Variants in LRP1B observed in about 807,000 individuals in gnomAD.
The protein encoded by LRP1B is LDL receptor related protein 1B.
In LRP1B, 217 loss-of-function variants were observed where a neutral mutation model predicts 556.6. The observed-to-expected ratio is 0.39, with a 90% CI of 0.35 to 0.44. The LOEUF (loss-of-function observed/expected upper bound fraction) is 0.44, where lower values mean the gene tolerates loss of function less well. LRP1B is among the 20% of genes least tolerant of loss of function. LRP1B has a pLI of 1.00. For synonymous variants in LRP1B, 2,047 were observed against 1,865.8 expected (o/e 1.10, Z -2.50); for missense variants, 5,053 against 5,620.8 (o/e 0.90, Z 3.23).
chr2:140,630,490 C>T (rs1176684780), intron 41 of LRP1B, among the ~76,000 whole-genome samples: 2 of 152,124 alleles, frequency 1.3e-5, no homozygotes, highest in Non-Finnish European at 2.9e-5. Context: ...GGAGAACAAA[C>T]CATCATAGCT....
chr2:140,310,474 A>G (rs1031315260), intron 83 of LRP1B, among the ~76,000 whole-genome samples: 1 of 151,358 alleles, frequency 6.6e-6, no homozygotes, highest in Non-Finnish European at 1.5e-5. Context: ...AACAGGAGGC[A>G]TTACATTACC....
intron 12 of LRP1B, among the ~76,000 whole-genome samples, chr2:141,017,703 A>G (rs1852167): frequency 0.98 from 149,502 of 151,864 alleles, 73,632 homozygotes; most frequent in Middle Eastern, 1. Flanking sequence ...ATGCTTAAAT[A>G]TATATTGTGG....
At chr2:141,112,078 T>A (rs1276003322) in intron 7 of LRP1B, among the ~76,000 whole-genome samples, 1 of 149,450 alleles carries the variant, frequency 6.7e-6, no homozygotes, top group Non-Finnish European at 1.5e-5. Context: ...AAATAATAAA[T>A]AAATAAATAA....
At chr2:140,493,067 T>C (rs1688770244) in intron 56 of LRP1B, among the ~76,000 whole-genome samples, 2 of 152,184 alleles carry the variant, frequency 1.3e-5, no homozygotes, top group Admixed American at 1.3e-4. Flanking sequence ...AACATTCTTA[T>C]GATCAGAAAT....
At chr2:140,234,738 G>A (rs778558653) in intron 90 of LRP1B, 48 bp downstream of exon 90, 7 of 754,548 alleles carry the variant, frequency 9.3e-6, no homozygotes, top group Non-Finnish European at 1.5e-5. Flanking sequence ...TTGATTGTGA[G>A]GGTTCTGTGA....
At chr2:140,922,686 TAA>T (rs1369162168) in intron 21 of LRP1B, among the ~76,000 whole-genome samples, 49 of 152,038 alleles carry the variant, frequency 3.2e-4, no homozygotes, top group African/African-American at 1.2e-3. Flanking sequence ...ATTAATTAAT[TAA>T]TTAAATTAAA....
At chr2:141,940,355 A>C (rs748340095) in intron 1 of LRP1B, among the ~76,000 whole-genome samples, 2 of 152,188 alleles carry the variant, frequency 1.3e-5, no homozygotes, top group Non-Finnish European at 2.9e-5. Flanking sequence ...ATGACGTACT[A>C]ACTAATGAAT....
chr2:140,987,916 G>A (rs1463723858), intron 17 of LRP1B, among the ~76,000 whole-genome samples: 3 of 152,008 alleles, frequency 2.0e-5, no homozygotes, highest in South Asian at 2.1e-4. Context: ...CCTGGGAGGC[G>A]AAAGTTGCAG....
rs968042014 is a variant in LRP1B, at chr2:140,526,323, C to T, written c.7790G>A (p.Arg2597His). 6.8e-6 allele frequency: 11 copies of T among 1,611,438 alleles called. No homozygotes were observed. The East Asian group carries it at 8.9e-5, about 13-fold the overall frequency. ...KVSTCATVEF[R>H]CADGTCIPRS... ...TGGAATACAAGTCCCATCTGCACAG[C>T]GGAACTCAACCGTGGCACAGGTTGA... The change falls in exon 48 of 91, where the codon CGC (arginine) becomes CAC (histidine). Residue 2597 changes from arginine (R) to histidine (H), a missense_variant. Arg to His is a conservative substitution (Grantham distance 29, BLOSUM62 0). Coordinates refer to ENST00000389484, the MANE Select transcript of LRP1B (RefSeq NM_018557.3).
chr2:142,042,060 C>T (rs1183601697), intron 1 of LRP1B, among the ~76,000 whole-genome samples: 4 of 151,276 alleles, frequency 2.6e-5, no homozygotes, highest in African/African-American at 4.8e-5. Context: ...TGTATTTATG[C>T]GTTTTTTTCT....
chr2:141,396,327 CATT>C (rs1690236361), intron 3 of LRP1B, among the ~76,000 whole-genome samples: 1 of 151,954 alleles, frequency 6.6e-6, no homozygotes, highest in South Asian at 2.1e-4. Flanking sequence ...TTTTAATTCT[CATT>C]ATCAAAAAAA....
At chr2:142,052,301 T>G (rs1392059099) in intron 1 of LRP1B, among the ~76,000 whole-genome samples, 1 of 152,066 alleles carries the variant, frequency 6.6e-6, no homozygotes, top group Non-Finnish European at 1.5e-5. Flanking sequence ...TATGGCACAT[T>G]TGAAAGAGCC....
At chr2:140,555,529 C>A (rs1387714799) in intron 43 of LRP1B, among the ~76,000 whole-genome samples, 2 of 152,010 alleles carry the variant, frequency 1.3e-5, no homozygotes, top group African/African-American at 2.4e-5. Context: ...CTTGGCATGG[C>A]AACACAGTAA....
chr2:140,940,324 TAA>T (rs963168519), intron 20 of LRP1B, among the ~76,000 whole-genome samples: 15 of 152,150 alleles, frequency 9.9e-5, no homozygotes, highest in African/African-American at 3.6e-4. Context: ...GAGATTTCCC[TAA>T]AAAAGTGTAG....
intron 1 of LRP1B, among the ~76,000 whole-genome samples, chr2:141,963,554 T>C (rs979149433): frequency 2.0e-5 from 3 of 151,752 alleles, no homozygotes; most frequent in Non-Finnish European, 2.9e-5. Context: ...CCCTTCATGC[T>C]AAAAACTCTC....
intron 41 of LRP1B, among the ~76,000 whole-genome samples, chr2:140,606,821 C>T (rs1399946486): frequency 2.0e-5 from 3 of 151,714 alleles, no homozygotes; most frequent in East Asian, 1.9e-4. Context: ...ATACCTTAAA[C>T]CTAAACATAG....
At chr2:140,278,946 G>A (rs1485895715) in intron 84 of LRP1B, among the ~76,000 whole-genome samples, 3 of 151,856 alleles carry the variant, frequency 2.0e-5, no homozygotes. Flanking sequence ...CCAGTTATTT[G>A]GCTTAATATT....
In LRP1B at chr2:141,325,495, A is replaced by G. The variant is rs549115394; in HGVS notation, c.344-70854T>C. Among the ~76,000 whole-genome samples, 151 of 152,154 alleles carry G rather than the reference A, an allele frequency of 9.9e-4. 1 individual carries two copies. Among genetic ancestry groups the G allele is most frequent in the Non-Finnish European group, 1.3e-3 (91 of 67,978 alleles). ...AAATAAGGTCATTGCAAACAGTCAC[A>G]GACTATACTAGGTAACATAGTTCTG... On this transcript the variant is annotated intron_variant, in intron 3 of 90. Coordinates refer to ENST00000389484, the MANE Select transcript of LRP1B (RefSeq NM_018557.3).
intron 18 of LRP1B, among the ~76,000 whole-genome samples, chr2:140,967,315 G>A: frequency 7.6e-6 from 1 of 131,920 alleles, no homozygotes; most frequent in Non-Finnish European, 1.6e-5. Flanking sequence ...ACTGTGAATG[G>A]GAGTTCACTC....
Sources: allele counts gnomAD v4.1 joint callset (sites outside exome capture counted in the v4.1 genomes callset), GRCh38; gene constraint gnomAD v4.1.1; transcripts MANE v1.5; gene names NCBI Gene and HGNC (gene_info 2026-07-23, HGNC 2026-07-21).